The following PCDHGB5 variants were observed in gnomAD, a reference collection of about 807,000 sequenced individuals.
PCDHGB5 encodes protocadherin gamma subfamily B, 5, also known as protocadherin gamma-B5.
A neutral mutation model predicts 62.9 loss-of-function variants in PCDHGB5; 48 were observed. The observed-to-expected ratio is 0.76, with a 90% CI of 0.61 to 0.97. The LOEUF (loss-of-function observed/expected upper bound fraction) is 0.97, where lower values mean the gene tolerates loss of function less well. PCDHGB5 is among the 50% of genes least tolerant of loss of function. The pLI is 0.00. For missense variants in PCDHGB5, 1,118 were observed against 1,198.6 expected, an observed-to-expected ratio of 0.93 and a Z score of 0.99; for synonymous variants, 474 against 511.2, an observed-to-expected ratio of 0.93 and a Z score of 0.98.
At chr5:141,422,138 T>G (rs1201680879) in intron 1 of PCDHGB5, 1 of 1,587,640 alleles carries the variant, frequency 6.3e-7, no homozygotes, top group Admixed American at 1.9e-5. Context: ...GAAGTTCAAG[T>G]ACGGGGGTCT....
At chr5:141,421,926 C>A in intron 1 of PCDHGB5, 1 of 1,613,460 alleles carries the variant, frequency 6.2e-7, no homozygotes, top group Non-Finnish European at 8.5e-7. Flanking sequence ...GTGTGGTGGT[C>A]CTCGATGTAA....
intron 1 of PCDHGB5, chr5:141,440,169 C>A (rs891186588): frequency 1.3e-5 from 2 of 152,218 alleles, no homozygotes; most frequent in Non-Finnish European, 2.9e-5. Flanking sequence ...TGGGCCATAA[C>A]GCTTTGAAAT....
chr5:141,408,985 G>A, intron 1 of PCDHGB5: 1 of 1,613,966 alleles, frequency 6.2e-7, no homozygotes, highest in South Asian at 1.1e-5. Context: ...GGTCCCCTGT[G>A]TTGCAAGTGA....
At chr5:141,400,776 G>GT (rs1167512157) in intron 1 of PCDHGB5, 4 of 557,602 alleles carry the variant, frequency 7.2e-6, no homozygotes, top group Non-Finnish European at 1.3e-5. Flanking sequence ...CATTTGGTGC[G>GT]TTTTTTTGTC....
rs750164473 is a variant in PCDHGB5 at position 141,432,286 on chromosome 5, C to G, written c.2397+31762C>G. Reference sequence around the variant, plus strand: ...TATCGTCCTACGTGTCCATCAACTCCGACACTGGGGTACTGTATGCGCTGA... The same window carrying G: ...TATCGTCCTACGTGTCCATCAACTCGGACACTGGGGTACTGTATGCGCTGA... On this transcript the variant is annotated intron_variant, in intron 1 of 3. Transcript: ENST00000617380. This position sits in a 1 kb window ranked among gnomAD's most constrained non-coding sequence, Gnocchi z 6.0. The G allele has an allele frequency of 6.2e-7, 1 of 1,614,252 alleles. No homozygotes were observed. The highest frequency in any genetic ancestry group is 1.3e-5 in the African/African-American group (1 of 75,070).
chr5:141,490,061 A>T lies in PCDHGB5; in HGVS notation c.2398-4746A>T. The stretch of plus-strand genomic sequence containing the variant: ...GCCACTGATCCAGACGAGGGCACCA[A>T]CGGCCAACTAGACTATTCTTTTGGA... On this transcript the variant is annotated intron_variant, in intron 1 of 3. Transcript: ENST00000617380. This position sits in a 1 kb window ranked among gnomAD's most constrained non-coding sequence, Gnocchi z 5.4. 1 of 1,614,214 alleles carries T rather than the reference A, an allele frequency of 6.2e-7. No homozygotes were observed. The highest frequency in any genetic ancestry group is 8.5e-7 in the Non-Finnish European group (1 of 1,180,030).
chr5:141,436,600 G>C (rs1054182433), intron 1 of PCDHGB5, among the ~76,000 whole-genome samples: 2 of 152,154 alleles, frequency 1.3e-5, no homozygotes, highest in African/African-American at 2.4e-5. Context: ...CGTGGTGATG[G>C]CTAGGGCTAA....
Position 141,489,791 on chromosome 5 carries a change from C to G in PCDHGB5, c.2398-5016C>G. ...AGCCACTTCTCTCTGAATGTGAAGA[C>G]CCTAAAAGATGGGAAGCCATTCCCA... On this transcript the variant is annotated intron_variant, in intron 1 of 3. Transcript: ENST00000617380. The surrounding 1 kb of genome is among the most constrained non-coding windows in gnomAD (Gnocchi z 4.5). 2 of 1,614,174 alleles carry G rather than the reference C, an allele frequency of 1.2e-6. No individual in the cohort carries two copies. The highest frequency in any genetic ancestry group is 1.7e-6 in the Non-Finnish European group (2 of 1,180,002).
At chr5:141,449,818 A>G (rs1446661913) in intron 1 of PCDHGB5, among the ~76,000 whole-genome samples, 2 of 151,708 alleles carry the variant, frequency 1.3e-5, no homozygotes, top group Non-Finnish European at 2.9e-5. Flanking sequence ...GTATTTCCTA[A>G]CAAGGACATT....
At chr5:141,413,257 T>A (rs777964429) in intron 1 of PCDHGB5, 1 of 1,613,836 alleles carries the variant, frequency 6.2e-7, no homozygotes, top group African/African-American at 1.3e-5. Flanking sequence ...CGGGATTCCA[T>A]GGGAGGCTGG....
In PCDHGB5 at chr5:141,399,258, G is replaced by T; in HGVS notation, c.1131G>T (p.Glu377Asp). The change falls in exon 1 of 4, where the codon GAG becomes GAT. Residue 377 changes from glutamate (E) to aspartate (D), a missense_variant. Coordinates refer to ENST00000617380, the MANE Select transcript of PCDHGB5 (RefSeq NM_018925.3). ...ACCAAGATTCTGGGGAAAATGGGGA[G>T]GTTAATTGTCAATTACAAGGCGAAG... ...IHDQDSGENG[E>D]VNCQLQGEVP... 4 of 1,613,870 alleles carry T rather than the reference G, an allele frequency of 2.5e-6. No homozygotes were observed. Among genetic ancestry groups the T allele is most frequent in the East Asian group, 2.2e-5 (1 of 44,878 alleles).
chr5:141,431,435 GC>G lies in PCDHGB5; in HGVS notation c.2397+30912del. On this transcript the variant is annotated intron_variant, in intron 1 of 3. Coordinates refer to ENST00000617380, the MANE Select transcript of PCDHGB5 (RefSeq NM_018925.3). The surrounding 1 kb of genome is among the most constrained non-coding windows in gnomAD (Gnocchi z 4.8). The stretch of plus-strand genomic sequence containing the variant: ...GGGCGACCCGGTGCGCACAGGCACC[GC>G]GCGCATCCGCGTGATGGTTCTGGAT... 1.9e-6 allele frequency: 3 copies of G among 1,613,668 alleles called. No individual in the cohort carries two copies. The highest frequency in any genetic ancestry group is 2.5e-6 in the Non-Finnish European group (3 of 1,180,026).
chr5:141,501,441 A>G (rs547792017), intron 2 of PCDHGB5, among the ~76,000 whole-genome samples: 1 of 151,898 alleles, frequency 6.6e-6, no homozygotes, highest in African/African-American at 2.4e-5. Context: ...CATTTCTTCC[A>G]TTTTTACTTT....
chr5:141,413,176 A>G lies in PCDHGB5; in HGVS notation c.2397+12652A>G, dbSNP rs758582296. 252 of 1,601,774 alleles carry G rather than the reference A, an allele frequency of 1.6e-4. 1 individual carries two copies. Among genetic ancestry groups the G allele is most frequent in the Non-Finnish European group, 2.1e-4 (243 of 1,173,006 alleles). Reference sequence around the variant, plus strand: ...TGCAGAATTCTGTAACCAGACTACAATGGCCGCTCAAAGGAATCGCTCAAA... The same window carrying G: ...TGCAGAATTCTGTAACCAGACTACAGTGGCCGCTCAAAGGAATCGCTCAAA... On this transcript the variant is annotated intron_variant, in intron 1 of 3. Coordinates refer to ENST00000617380, the MANE Select transcript of PCDHGB5 (RefSeq NM_018925.3).
chr5:141,490,120 G>A lies in PCDHGB5; in HGVS notation c.2398-4687G>A. On this transcript the variant is annotated intron_variant, in intron 1 of 3. Coordinates refer to ENST00000617380, the MANE Select transcript of PCDHGB5 (RefSeq NM_018925.3). This position sits in a 1 kb window ranked among gnomAD's most constrained non-coding sequence, Gnocchi z 5.4. ...ATCTGAGGCAGTGCGGAACCTCTTT[G>A]GCCTAGACCCTAGCAGTGGGGCAAT... 6.2e-7 allele frequency: 1 copy of A among 1,614,224 alleles called. No homozygotes were observed. Among genetic ancestry groups the A allele is most frequent in the East Asian group, 2.2e-5 (1 of 44,888 alleles).
Position 141,490,652 on chromosome 5 carries a change from C to T in PCDHGB5, c.2398-4155C>T, listed in dbSNP as rs1277273880. The T allele has an allele frequency of 1.2e-6, 2 of 1,614,208 alleles. No individual in the cohort carries two copies. The highest frequency in any genetic ancestry group is 1.7e-6 in the Non-Finnish European group (2 of 1,180,026). On this transcript the variant is annotated intron_variant, in intron 1 of 3. Coordinates refer to ENST00000617380, the MANE Select transcript of PCDHGB5 (RefSeq NM_018925.3). The surrounding 1 kb of genome is among the most constrained non-coding windows in gnomAD (Gnocchi z 5.4). ...ATCCTAGAAAACCGGCCTCCGGGCT[C>T]CCTTCTTTGCACTGTGGCTGCCTCA...
chr5:141,461,639 C>T (rs1041604977), intron 1 of PCDHGB5, among the ~76,000 whole-genome samples: 12 of 152,088 alleles, frequency 7.9e-5, no homozygotes, highest in Non-Finnish European at 1.6e-4. Flanking sequence ...GCAATTTCTT[C>T]TTTGACCCAT....
At chr5:141,419,124 T>A in intron 1 of PCDHGB5, 1 of 1,613,798 alleles carries the variant, frequency 6.2e-7, no homozygotes, top group Non-Finnish European at 8.5e-7. Context: ...AACGTCACCA[T>A]CGCAGCCACA....
rs764432886 is a variant in PCDHGB5 at position 141,399,562 on chromosome 5, T to G, written c.1435T>G (p.Leu479Val). Residue 479 changes from leucine to valine, a missense_variant, in exon 1 of 4, where the codon TTG becomes GTG. Coordinates refer to ENST00000617380, the MANE Select transcript of PCDHGB5 (RefSeq NM_018925.3). ...CTGCGCCTCGGACCTGGACTTGGGG[T>G]TGAACGGCCAAGTCTCCTACTCTAT... ...QVCASDLDLG[L>V]NGQVSYSIMA... 6.2e-7 allele frequency: 1 copy of G among 1,613,898 alleles called. No individual in the cohort carries two copies. Among genetic ancestry groups the G allele is most frequent in the East Asian group, 2.2e-5 (1 of 44,892 alleles).
Sources: gnomAD v4.1 joint callset for allele counts (sites outside exome capture counted in the v4.1 genomes callset) on GRCh38, gnomAD v4.1.1 for gene constraint, Gnocchi (gnomAD v3.1) non-coding constraint, MANE v1.5 for transcripts, NCBI Gene and HGNC (gene_info 2026-07-23, HGNC 2026-07-21) for gene names.